RUFY3: variants seen among roughly 807,000 people sequenced by gnomAD.
RUFY3 encodes protein RUFY3.
RUFY3 carries 34 observed loss-of-function variants against 84.0 expected under a neutral mutation model. The observed-to-expected ratio is 0.40, with a 90% CI of 0.31 to 0.54. The LOEUF (loss-of-function observed/expected upper bound fraction) is 0.54. Among genes scored for constraint, RUFY3 ranks in the 20% least tolerant of loss-of-function variants. RUFY3 has a pLI of 0.39. For synonymous variants in RUFY3, 242 were observed against 252.9 expected, an observed-to-expected ratio of 0.96 and a Z score of 0.41; for missense variants, 507 against 736.8, an observed-to-expected ratio of 0.69 and a Z score of 3.61.
chr4:70,753,672 A>G (rs991469970), intron 1 of RUFY3, among the ~76,000 whole-genome samples: 2 of 152,210 alleles, frequency 1.3e-5, no homozygotes, highest in Admixed American at 6.5e-5. Flanking sequence ...ACCAGAGAGT[A>G]GAAAGGATCT....
chr4:70,705,039 G>A (rs1362337758), exon 1 of RUFY3: 2 of 1,225,878 alleles, frequency 1.6e-6, no homozygotes, highest in African/African-American at 3.1e-5. Context: ...CCGCGCTCCC[G>A]CCGGGGGCAC....
intron 12 of RUFY3, chr4:70,792,141 TG>T: frequency 9.1e-6 from 9 of 985,086 alleles, no homozygotes; most frequent in Non-Finnish European, 1.1e-5. Context: ...CAAAAAATGA[TG>T]CAGTACCCAT....
chr4:70,705,634 C>CG (rs1740221437), intron 1 of RUFY3, among the ~76,000 whole-genome samples: 1 of 152,192 alleles, frequency 6.6e-6, no homozygotes, highest in Non-Finnish European at 1.5e-5. Context: ...GCCTGCCCCC[C>CG]TCCACCCGGG....
upstream of RUFY3, among the ~76,000 whole-genome samples, chr4:70,717,973 C>T (rs1211668207): frequency 2.0e-5 from 3 of 150,274 alleles, no homozygotes; most frequent in African/African-American, 7.4e-5. Context: ...ACCTCCGCCT[C>T]CCGGGTTCAC....
At chr4:70,759,099 C>T (rs1187774977) in intron 1 of RUFY3, among the ~76,000 whole-genome samples, 2 of 152,006 alleles carry the variant, frequency 1.3e-5, no homozygotes, top group Non-Finnish European at 2.9e-5. Flanking sequence ...CTAGAACTTA[C>T]TCATCTTATC....
At chr4:70,704,955 C>G in exon 1 of RUFY3, 1 of 1,226,902 alleles carries the variant, frequency 8.2e-7, no homozygotes, top group Non-Finnish European at 1.0e-6. Flanking sequence ...GACCCCGCCG[C>G]CGCCCACCGC....
intron 5 of RUFY3, 52 bp downstream of exon 5, chr4:70,768,713 C>T (rs1726417924): frequency 1.3e-6 from 2 of 1,588,324 alleles, no homozygotes; most frequent in East Asian, 2.2e-5. Flanking sequence ...TCTGCTATCT[C>T]AGAAGTGGAT....
At chr4:70,729,074 T>C (rs1483269448) in intron 1 of RUFY3, among the ~76,000 whole-genome samples, 1 of 152,170 alleles carries the variant, frequency 6.6e-6, no homozygotes, top group African/African-American at 2.4e-5. Context: ...AAGGAATTAG[T>C]ACAATAATGG....
Position 70,806,737 on chromosome 4 carries a change from G to C in RUFY3, c.*78G>C. On this transcript the variant is annotated 3_prime_UTR_variant, in exon 18 of 18. Coordinates refer to ENST00000381006, the MANE Select transcript of RUFY3 (RefSeq NM_001037442.4). ...GTGTTTTAGCTGTCAGGATCTCATA[G>C]AGCCCAGTTCTTAGAGTCAACTAAA... 1 of 1,542,454 alleles carries C rather than the reference G, an allele frequency of 6.5e-7. No individual in the cohort carries two copies. Among genetic ancestry groups the C allele is most frequent in the African/African-American group, 1.4e-5 (1 of 73,194 alleles).
At chr4:70,791,918 A>G (rs1730890889) in intron 12 of RUFY3, 6 of 985,434 alleles carry the variant, frequency 6.1e-6, no homozygotes, top group East Asian at 1.1e-4. Context: ...TTGAAAAAAA[A>G]AGAAAAGAAA....
chr4:70,782,819 A>C (rs1729166297), intron 8 of RUFY3, among the ~76,000 whole-genome samples: 1 of 152,134 alleles, frequency 6.6e-6, no homozygotes, highest in Non-Finnish European at 1.5e-5. Context: ...AGGCTAAGGC[A>C]TGAGAATCAC....
chr4:70,716,857 A>G (rs575812751), intron 1 of RUFY3, among the ~76,000 whole-genome samples: 71 of 149,750 alleles, frequency 4.7e-4, no homozygotes, highest in Non-Finnish European at 7.4e-4. Flanking sequence ...AAAAAAAAAA[A>G]AAAAGAAAAG....
chr4:70,800,044 T>G, intron 14 of RUFY3, 97 bp from the exon 15 acceptor site: 1 of 1,162,000 alleles, frequency 8.6e-7, no homozygotes, highest in Non-Finnish European at 1.2e-6. Context: ...GCTACTTAGC[T>G]TTATACCCAA....
chr4:70,798,358 G>A (rs538796728), intron 14 of RUFY3, among the ~76,000 whole-genome samples: 1 of 151,768 alleles, frequency 6.6e-6, no homozygotes, highest in South Asian at 2.1e-4. Flanking sequence ...AATAGCATGA[G>A]ACCTTGTCTC....
intron 14 of RUFY3, 72 bp downstream of exon 14, chr4:70,794,966 GT>G: frequency 9.9e-7 from 1 of 1,011,532 alleles, no homozygotes. Context: ...TGATAGTCCT[GT>G]CAGTTTTCCT....
chr4:70,735,061 A>T (rs1028723933), intron 1 of RUFY3, among the ~76,000 whole-genome samples: 3 of 152,352 alleles, frequency 2.0e-5, no homozygotes, highest in Admixed American at 6.5e-5. Flanking sequence ...AGAGAAGATA[A>T]TTGCCACTCA....
At position 70,788,353 on chromosome 4, in the gene RUFY3, C is replaced by A. The variant is rs551820722; in HGVS notation, c.1072-453C>A. ...ATCATCCTCAGTAATTGCGATGTTA[C>A]CCCAGGGACCCAGATGGTCCTCTGG... is the stretch of plus-strand genomic sequence containing the variant. On this transcript the variant is annotated intron_variant, in intron 10 of 17. Coordinates refer to ENST00000381006, the MANE Select transcript of RUFY3 (RefSeq NM_001037442.4). Among the ~76,000 whole-genome samples the A allele has an allele frequency of 3.6e-4, 55 of 152,046 alleles. 1 individual carries two copies. In the East Asian group the frequency reaches 6.6e-3, roughly 18 times the overall value.
chr4:70,763,280 C>T (rs904664373), intron 2 of RUFY3, among the ~76,000 whole-genome samples: 4 of 152,114 alleles, frequency 2.6e-5, no homozygotes, highest in East Asian at 1.9e-4. Context: ...TAATACCACA[C>T]AATTTTAGGC....
At chr4:70,728,033 A>T (rs901972256) in intron 1 of RUFY3, among the ~76,000 whole-genome samples, 13 of 152,178 alleles carry the variant, frequency 8.5e-5, no homozygotes, top group Non-Finnish European at 1.5e-4. Context: ...TGAAATCCTG[A>T]CTCATTTGTT....
Sources: allele counts gnomAD v4.1 joint callset (sites outside exome capture counted in the v4.1 genomes callset), GRCh38; gene constraint gnomAD v4.1.1; transcripts MANE v1.5; gene names NCBI Gene and HGNC (gene_info 2026-07-23, HGNC 2026-07-21).